TMEM106B: variants seen among roughly 807,000 people sequenced by gnomAD.
TMEM106B encodes transmembrane protein 106B.
Under a neutral mutation model 31.1 loss-of-function variants are expected in TMEM106B, and 15 were observed. That is an observed-to-expected ratio of 0.48 (90% CI 0.32 to 0.74). The LOEUF (loss-of-function observed/expected upper bound fraction) is 0.74, where lower values mean the gene tolerates loss of function less well. Ranked by LOEUF, TMEM106B falls within the 30% of genes least tolerant of loss-of-function variation. The pLI, the probability that TMEM106B is intolerant of heterozygous loss-of-function variation, is 0.03. For synonymous variants in TMEM106B, 126 were observed against 112.5 expected (o/e 1.12, Z -0.76); for missense variants, 283 against 327.3 (o/e 0.86, Z 1.04).
chr7:12,218,387 G>A, intron 2 of TMEM106B, 71 bp from the exon 3 acceptor site: 2 of 1,329,672 alleles, frequency 1.5e-6, no homozygotes, highest in East Asian at 2.4e-5. Flanking sequence ...TTCCAAACCA[G>A]ATTGTGATGG....
intron 7 of TMEM106B, 62 bp downstream of exon 7, chr7:12,231,177 G>A: frequency 2.3e-6 from 3 of 1,284,126 alleles, no homozygotes; most frequent in Non-Finnish European, 3.4e-6. Context: ...TATAACATTG[G>A]CTTATAATAT....
At chr7:12,212,261 G>T (rs1781595025) in intron 1 of TMEM106B, among the ~76,000 whole-genome samples, 1 of 152,170 alleles carries the variant, frequency 6.6e-6, no homozygotes, top group African/African-American at 2.4e-5. Flanking sequence ...CAGCCTGGCT[G>T]TGTTGACTGA....
At chr7:12,225,710 T>C (rs1781887321) in intron 4 of TMEM106B, among the ~76,000 whole-genome samples, 1 of 152,184 alleles carries the variant, frequency 6.6e-6, no homozygotes, top group Non-Finnish European at 1.5e-5. Flanking sequence ...CACTTTTTGA[T>C]GGGGTTGTTT....
rs1232563809 is a variant in TMEM106B at position 12,232,133 on chromosome 7, ACT to A, written c.*162_*163del. The A allele has an allele frequency of 7.4e-6, 4 of 539,558 alleles. No homozygotes were observed. The highest frequency in any genetic ancestry group is 1.3e-5 in the Non-Finnish European group (4 of 316,766). 33.4% of individuals were successfully genotyped at this position (539,558 alleles called of 1,614,324 possible). On this transcript the variant is annotated 3_prime_UTR_variant, in exon 8 of 8. Coordinates refer to ENST00000396668, the MANE Select transcript of TMEM106B (RefSeq NM_001134232.2). ...AGTATGTGGACCTGCAGTTCTTGTAACTCTCCACTCTGTGTTAATGATATATT... is the reference window on the plus strand; with the variant it reads ...AGTATGTGGACCTGCAGTTCTTGTAACTCCACTCTGTGTTAATGATATATT...
At position 12,231,934 on chromosome 7, in the gene TMEM106B, G is replaced by A. The variant is rs1399866980; in HGVS notation, c.784G>A (p.Gly262Arg). 2 of 1,611,542 alleles carry A rather than the reference G, an allele frequency of 1.2e-6. No homozygotes were observed. Among genetic ancestry groups the A allele is most frequent in the African/African-American group, 2.7e-5 (2 of 74,770 alleles). Reference protein sequence around the residue: ...DCGRNTTYQLGQSEYLNVLQP... With the variant: ...DCGRNTTYQLRQSEYLNVLQP... Reference sequence around the variant, plus strand: ...TGGAAGAAACACAACTTATCAGTTGGGGCAGTCTGAATATTTAAATGTACT... The same window carrying A: ...TGGAAGAAACACAACTTATCAGTTGAGGCAGTCTGAATATTTAAATGTACT... The change falls in exon 8 of 8, where the codon GGG becomes AGG. Residue 262 changes from glycine (G) to arginine (R), a missense_variant. Around this residue, in one of 3 missense-constraint regions of TMEM106B, gnomAD observed 201 missense variants for 211.5 expected, o/e 0.95. Coordinates refer to ENST00000396668, the MANE Select transcript of TMEM106B (RefSeq NM_001134232.2).
intron 1 of TMEM106B, among the ~76,000 whole-genome samples, chr7:12,212,920 G>T (rs1781608634): frequency 6.6e-6 from 1 of 152,168 alleles, no homozygotes; most frequent in South Asian, 2.1e-4. Context: ...ACCGCTAAAA[G>T]ACATATCAAA....
At position 12,234,036 on chromosome 7, in the gene TMEM106B, T is replaced by A. The variant is rs1227229761; in HGVS notation, c.*2061T>A. 6.6e-6 allele frequency: 1 copy of A among 151,814 alleles called. No individual in the cohort carries two copies. Among genetic ancestry groups the A allele is most frequent in the Non-Finnish European group, 1.5e-5 (1 of 67,714 alleles). 9.4% of individuals were successfully genotyped at this position (151,814 alleles called of 1,614,324 possible). ...TTATTTTATCATATCCTTTCTATTA[T>A]GTTCCCATCCTGTCCTCATGTCCCA... On this transcript the variant is annotated 3_prime_UTR_variant, in exon 8 of 8. Transcript: ENST00000396668.
At chr7:12,214,488 G>T (rs1165008634) in intron 1 of TMEM106B, 5 of 228,752 alleles carry the variant, frequency 2.2e-5, no homozygotes, top group Admixed American at 1.0e-4. Flanking sequence ...TTCCACCCCT[G>T]CTTCAAAATG....
At chr7:12,220,980 T>C (rs1428775689) in intron 3 of TMEM106B, among the ~76,000 whole-genome samples, 1 of 152,056 alleles carries the variant, frequency 6.6e-6, no homozygotes, top group Non-Finnish European at 1.5e-5. Context: ...AACCCACACA[T>C]ATACACACAA....
chr7:12,211,724 C>T (rs1781581203), intron 1 of TMEM106B, among the ~76,000 whole-genome samples: 1 of 152,220 alleles, frequency 6.6e-6, no homozygotes, highest in South Asian at 2.1e-4. Context: ...GCCGTGGTGC[C>T]GGGATCTTAT....
rs941445528 is a variant in TMEM106B at position 12,211,378 on chromosome 7, C to T, written c.-50C>T. 2 of 152,386 alleles carry T rather than the reference C, an allele frequency of 1.3e-5. No individual in the cohort carries two copies. The highest frequency in any genetic ancestry group is 4.8e-5 in the African/African-American group (2 of 41,474). The allele number at this position is 152,386 out of a possible 1,614,324, so 9.4% of individuals were successfully genotyped here. A position where few individuals can be genotyped will look rare whatever the true frequency, so the allele number is the denominator to read the frequency against. The stretch of plus-strand genomic sequence containing the variant: ...TGGACTCCACGACCCTGTCCTCGGC[C>T]CTGTCCGCGCCGAAGCAGCCCGGGA... On this transcript the variant is annotated 5_prime_UTR_variant, in exon 1 of 8. Transcript: ENST00000396668.
intron 1 of TMEM106B, among the ~76,000 whole-genome samples, chr7:12,213,299 AAAAC>A (rs1781617675): frequency 1.3e-5 from 2 of 152,268 alleles, no homozygotes; most frequent in African/African-American, 4.8e-5. Context: ...GAATGAAAAA[AAAAC>A]TGTGATTTTG....
At chr7:12,217,022 AG>A (rs1781700276) in intron 2 of TMEM106B, among the ~76,000 whole-genome samples, 1 of 111,036 alleles carries the variant, frequency 9.0e-6, no homozygotes, top group South Asian at 3.4e-4. Context: ...AGGTCAGGAG[AG>A]GGATTTTTTT....
At chr7:12,220,821 C>CA (rs1325862065) in intron 3 of TMEM106B, among the ~76,000 whole-genome samples, 9 of 151,976 alleles carry the variant, frequency 5.9e-5, no homozygotes, top group African/African-American at 2.2e-4. Context: ...TTTGCAGAAG[C>CA]AAACAACTGG....
Position 12,233,750 on chromosome 7 carries a change from G to C in TMEM106B, c.*1775G>C, listed in dbSNP as rs980103091. 3 of 150,620 alleles carry C rather than the reference G, an allele frequency of 2.0e-5. No individual in the cohort carries two copies. Among genetic ancestry groups the C allele is most frequent in the Admixed American group, 6.6e-5 (1 of 15,108 alleles). The allele number at this position is 150,620 out of a possible 1,614,324, so 9.3% of individuals were successfully genotyped here. A position where few individuals can be genotyped will look rare whatever the true frequency, so the allele number is the denominator to read the frequency against. ...TACTACTGCATACTTCTCTGATACAGGTTCTGTTTGTATTTTTTATATCAT... is the reference window on the plus strand; with the variant it reads ...TACTACTGCATACTTCTCTGATACACGTTCTGTTTGTATTTTTTATATCAT... On this transcript the variant is annotated 3_prime_UTR_variant, in exon 8 of 8. Transcript: ENST00000396668.
rs1326538724 is a variant in TMEM106B, at chr7:12,239,083, T to G, written c.*7108T>G. On this transcript the variant is annotated 3_prime_UTR_variant, in exon 8 of 8. Transcript: ENST00000396668. ...ATCTACATTGAAAATATATTGTTCATTGTAACCACTTTCATCAATGATCTT... is the reference window on the plus strand; with the variant it reads ...ATCTACATTGAAAATATATTGTTCAGTGTAACCACTTTCATCAATGATCTT... 1 of 152,208 alleles carries G rather than the reference T, an allele frequency of 6.6e-6. No individual in the cohort carries two copies. Among genetic ancestry groups the G allele is most frequent in the Non-Finnish European group, 1.5e-5 (1 of 68,022 alleles). 9.4% of individuals were successfully genotyped at this position (152,208 alleles called of 1,614,324 possible). A position where few individuals can be genotyped will look rare whatever the true frequency, so the allele number is the denominator to read the frequency against.
intron 3 of TMEM106B, among the ~76,000 whole-genome samples, chr7:12,219,180 C>G (rs546577555): frequency 6.6e-6 from 1 of 152,160 alleles, no homozygotes; most frequent in East Asian, 1.9e-4. Context: ...AATACATATC[C>G]TCAAGAAAAA....
chr7:12,238,512 C>T lies in TMEM106B; in HGVS notation c.*6537C>T, dbSNP rs1237932058. The T allele has an allele frequency of 6.6e-6, 1 of 152,220 alleles. No homozygotes were observed. Among genetic ancestry groups the T allele is most frequent in the Non-Finnish European group, 1.5e-5 (1 of 68,096 alleles). 9.4% of individuals were successfully genotyped at this position (152,220 alleles called of 1,614,324 possible). A position where few individuals can be genotyped will look rare whatever the true frequency, so the allele number is the denominator to read the frequency against. ...GTTAATGGCATCTAGAATGGCAAAT[C>T]CTTTCTGGAAGGTTTCAATTTACTT... On this transcript the variant is annotated 3_prime_UTR_variant, in exon 8 of 8. Coordinates refer to ENST00000396668, the MANE Select transcript of TMEM106B (RefSeq NM_001134232.2).
chr7:12,227,559 GATC>G (rs1340990636), intron 4 of TMEM106B, among the ~76,000 whole-genome samples: 1 of 137,178 alleles, frequency 7.3e-6, no homozygotes, highest in African/African-American at 2.7e-5. Flanking sequence ...TCTTTTACAT[GATC>G]ATATTATAAT....
Sources: gnomAD v4.1 joint callset for allele counts (sites outside exome capture counted in the v4.1 genomes callset) on GRCh38, gnomAD v4.1.1 for gene constraint, gnomAD v4.1.1 regional missense constraint, MANE v1.5 for transcripts, NCBI Gene and HGNC (gene_info 2026-07-23, HGNC 2026-07-21) for gene names.